NSMCE4A: variants seen among roughly 807,000 people sequenced by gnomAD.
NSMCE4A encodes the protein non-structural maintenance of chromosomes element 4 homolog A.
A neutral mutation model predicts 47.9 loss-of-function variants in NSMCE4A; 40 were observed. The ratio of observed to expected loss-of-function variants is 0.83; its 90% confidence interval spans 0.65 to 1.09. The LOEUF (loss-of-function observed/expected upper bound fraction) is 1.09, where lower values mean the gene tolerates loss of function less well. NSMCE4A is among the 50% of genes least tolerant of loss of function. The probability of loss-of-function intolerance (pLI) is 0.00; values close to 1 mark genes in which losing one functional copy is unlikely to be tolerated. For synonymous variants in NSMCE4A, 166 were observed against 178.5 expected (o/e 0.93, Z 0.56); for missense variants, 500 against 507.0 (o/e 0.99, Z 0.13).
intron 2 of NSMCE4A, among the ~76,000 whole-genome samples, chr10:121,973,789 A>G (rs545232887): frequency 3.9e-5 from 6 of 152,350 alleles, no homozygotes; most frequent in Admixed American, 6.5e-5. Flanking sequence ...GGCTTAACAC[A>G]GACTGCGGAA....
intron 2 of NSMCE4A, 151 bp from the exon 3 acceptor site, chr10:121,971,220 C>G (rs1485587347): frequency 1.3e-6 from 1 of 748,714 alleles, no homozygotes; most frequent in African/African-American, 1.8e-5. Context: ...CCTTCTAAAA[C>G]GTGCTCCTGG....
chr10:121,958,223 C>A (rs1952435104), intron 10 of NSMCE4A, among the ~76,000 whole-genome samples: 1 of 151,742 alleles, frequency 6.6e-6, no homozygotes, highest in Non-Finnish European at 1.5e-5. Flanking sequence ...GAGCAAGACT[C>A]TGTCTCAAAA....
intron 3 of NSMCE4A, 53 bp from the exon 4 acceptor site, chr10:121,967,859 T>C: frequency 6.4e-7 from 1 of 1,568,186 alleles, no homozygotes; most frequent in South Asian, 1.2e-5. Context: ...GCAATCATTT[T>C]CCACATCCAA....
chr10:121,966,109 A>T (rs1273421406), intron 4 of NSMCE4A: 9 of 152,216 alleles, frequency 5.9e-5, no homozygotes, highest in East Asian at 1.9e-4. Context: ...ATCAAATTTT[A>T]AAAAAGCAAC....
chr10:121,961,194 A>G (rs1952491053), intron 7 of NSMCE4A, among the ~76,000 whole-genome samples: 1 of 152,208 alleles, frequency 6.6e-6, no homozygotes, highest in Admixed American at 6.5e-5. Context: ...TCCATATTCA[A>G]ATTTTTCCAA....
rs147312418 is a variant in NSMCE4A, at chr10:121,963,183, A to G, written c.844+55T>C. 1.3e-4 allele frequency: 137 copies of G among 1,022,034 alleles called. 3 individuals carry two copies. In the East Asian group the frequency reaches 2.2e-3, roughly 16 times the overall value. 63.3% of individuals were successfully genotyped at this position (1,022,034 alleles called of 1,614,324 possible). A position where few individuals can be genotyped will look rare whatever the true frequency, so the allele number is the denominator to read the frequency against. On this transcript the variant is annotated intron_variant, in intron 6 of 10. Transcript: ENST00000369023. ...TGAAATTGCCTTTTAAATACAAGTA[A>G]CCTCAGTGAACAGATAAATACAAAT...
rs1952484137 is a variant in NSMCE4A at position 121,960,845 on chromosome 10, A to G, written c.940-439T>C. On this transcript the variant is annotated intron_variant, in intron 7 of 10. Transcript: ENST00000369023. The surrounding 1 kb of genome is among the most constrained non-coding windows in gnomAD (Gnocchi z 4.2). ...ATGTGGGAATGCAACCTGAAGTAAG[A>G]TTAAAGATAGTCTAAAGCAAATTTC... Among the ~76,000 whole-genome samples the G allele has an allele frequency of 6.6e-6, 1 of 152,236 alleles. No homozygotes were observed. Among genetic ancestry groups the G allele is most frequent in the African/African-American group, 2.4e-5 (1 of 41,480 alleles).
At position 121,962,773 on chromosome 10, in the gene NSMCE4A, C is replaced by T. The variant is rs147524229; in HGVS notation, c.844+465G>A. Reference sequence around the variant, plus strand: ...GATTACAGGAATGCACTACCACACCCGGTTAATTTTGTATTTTTAGTAGAG... The same window carrying T: ...GATTACAGGAATGCACTACCACACCTGGTTAATTTTGTATTTTTAGTAGAG... On this transcript the variant is annotated intron_variant, in intron 6 of 10. Coordinates refer to ENST00000369023, the MANE Select transcript of NSMCE4A (RefSeq NM_017615.3). Among the ~76,000 whole-genome samples the T allele has an allele frequency of 7.2e-5, 11 of 152,016 alleles. No homozygotes were observed. In the East Asian group the frequency reaches 1.4e-3, roughly 19 times the overall value.
intron 1 of NSMCE4A, 29 bp downstream of exon 1, chr10:121,974,845 G>C: frequency 7.0e-7 from 1 of 1,431,138 alleles, no homozygotes. Context: ...GCCCGTCCGG[G>C]CCCGCGCCGC....
chr10:121,971,338 A>G (rs964879577), intron 2 of NSMCE4A, among the ~76,000 whole-genome samples: 20 of 152,102 alleles, frequency 1.3e-4, no homozygotes, highest in East Asian at 7.8e-4. Flanking sequence ...GTGAAACCCC[A>G]GCTCTACTAA....
chr10:121,958,411 C>A (rs1952438378), intron 10 of NSMCE4A, among the ~76,000 whole-genome samples: 1 of 152,176 alleles, frequency 6.6e-6, no homozygotes, highest in African/African-American at 2.4e-5. Context: ...AGAAATGTTA[C>A]CCTTCATAAA....
intron 3 of NSMCE4A, 131 bp from the exon 4 acceptor site, chr10:121,967,937 C>G: frequency 2.4e-6 from 2 of 844,550 alleles, no homozygotes. Flanking sequence ...AACATGCTGG[C>G]TAAATTTCTT....
At position 121,974,064 on chromosome 10, in the gene NSMCE4A, G is replaced by T; in HGVS notation, c.310C>A (p.Leu104Met). Residue 104 changes from leucine (L) to methionine (M), a missense_variant, in exon 2 of 11, where the codon CTG (leucine) becomes ATG (methionine). Coordinates refer to ENST00000369023, the MANE Select transcript of NSMCE4A (RefSeq NM_017615.3). ...TCTGTTAATTTGTCACCGGCATTCA[G>T]TATGTCCTCACGGTTTTCTATTTTT... ...NSVQQNREDILNAGDKLTEVL... is the reference protein window; with the variant it reads ...NSVQQNREDIMNAGDKLTEVL... 1 of 1,605,438 alleles carries T rather than the reference G, an allele frequency of 6.2e-7. No homozygotes were observed.
chr10:121,965,537 G>C, intron 4 of NSMCE4A, 152 bp from the exon 5 acceptor site: 1 of 610,872 alleles, frequency 1.6e-6, no homozygotes, highest in Non-Finnish European at 2.9e-6. Flanking sequence ...CTCTTGATAA[G>C]GTTTGTGACA....
chr10:121,969,228 G>A (rs1952660368), intron 3 of NSMCE4A, among the ~76,000 whole-genome samples: 1 of 152,124 alleles, frequency 6.6e-6, no homozygotes, highest in African/African-American at 2.4e-5. Flanking sequence ...CCAGCTTCTT[G>A]GGAGGCTGAG....
At chr10:121,974,329 G>C in intron 1 of NSMCE4A, 1 of 1,296,728 alleles carries the variant, frequency 7.7e-7, no homozygotes, top group Non-Finnish European at 9.8e-7. Flanking sequence ...GCTGGACTCC[G>C]GCTGCAGCCT....
In NSMCE4A at chr10:121,960,154, A is replaced by C. The variant is rs143169216; in HGVS notation, c.988+204T>G. ...TCATTTCTTTGTTAATATTTACAGC[A>C]GATGTTGAATCAATGATATAGATGA... is the stretch of plus-strand genomic sequence containing the variant. On this transcript the variant is annotated intron_variant, in intron 8 of 10. Transcript: ENST00000369023. This position sits in a 1 kb window ranked among gnomAD's most constrained non-coding sequence, Gnocchi z 4.2. The C allele has an allele frequency of 8.9e-3, 3,578 of 401,204 alleles. 17 individuals carry two copies. The highest frequency in any genetic ancestry group is 0.011 in the Non-Finnish European group (2,439 of 225,954). The allele number at this position is 401,204 out of a possible 1,614,324, so 24.9% of individuals were successfully genotyped here. A position where few individuals can be genotyped will look rare whatever the true frequency, so the allele number is the denominator to read the frequency against.
At chr10:121,957,429 C>CTTTT (rs34808169) in intron 10 of NSMCE4A, among the ~76,000 whole-genome samples, 170 bp from the exon 11 acceptor site, 4 of 98,314 alleles carry the variant, frequency 4.1e-5, no homozygotes, top group African/African-American at 1.1e-4. Context: ...CTTCTTTTTT[C>CTTTT]TTTTTTTTTT....
At chr10:121,962,617 A>T (rs1952522842) in intron 6 of NSMCE4A, among the ~76,000 whole-genome samples, 1 of 8,418 alleles carries the variant, frequency 1.2e-4, no homozygotes, top group African/African-American at 2.4e-4. Flanking sequence ...GAAAAAAACA[A>T]ACTTTTTTTT....
Sources: allele counts gnomAD v4.1 joint callset (sites outside exome capture counted in the v4.1 genomes callset), GRCh38; gene constraint gnomAD v4.1.1; non-coding constraint Gnocchi (gnomAD v3.1); transcripts MANE v1.5; gene names NCBI Gene and HGNC (gene_info 2026-07-23, HGNC 2026-07-21).